The following CACNA2D3 variants were observed in gnomAD, a reference collection of about 807,000 sequenced individuals.
The protein encoded by CACNA2D3 is calcium voltage-gated channel auxiliary subunit alpha2delta 3.
A neutral mutation model predicts 160.6 loss-of-function variants in CACNA2D3; 60 were observed. That is an observed-to-expected ratio of 0.37 (90% CI 0.30 to 0.46). The LOEUF (loss-of-function observed/expected upper bound fraction) is 0.46, where lower values mean the gene tolerates loss of function less well. Ranked by LOEUF, CACNA2D3 falls within the 20% of genes least tolerant of loss-of-function variation. The probability of loss-of-function intolerance (pLI) is 1.00; values close to 1 mark genes in which losing one functional copy is unlikely to be tolerated. For missense variants in CACNA2D3, 1,205 were observed against 1,365.0 expected (o/e 0.88, Z 1.85); for synonymous variants, 558 against 492.9 (o/e 1.13, Z -1.75).
At chr3:54,748,741 C>T (rs760565455) in intron 11 of CACNA2D3, among the ~76,000 whole-genome samples, 67 of 152,120 alleles carry the variant, frequency 4.4e-4, no homozygotes, top group Admixed American at 9.2e-4. Context: ...CCTTCAGGAC[C>T]ACCCCAGATT....
In CACNA2D3 at chr3:54,977,308, T is replaced by C. The variant is rs565091280; in HGVS notation, c.2557-7300T>C. Among the ~76,000 whole-genome samples, 92 of 152,346 alleles carry C rather than the reference T, an allele frequency of 6.0e-4. 2 individuals are homozygous for C. In the South Asian group the frequency reaches 0.017, roughly 28 times the overall value. ...TTTGTAGCAGGTATTTTTTCATCTT[T>C]CTGCCTCTGACAGATTCTAATGTGC... On this transcript the variant is annotated intron_variant, in intron 29 of 37. Transcript: ENST00000474759.
At chr3:54,385,348 A>T (rs1699170155) in intron 3 of CACNA2D3, among the ~76,000 whole-genome samples, 1 of 152,150 alleles carries the variant, frequency 6.6e-6, no homozygotes, top group South Asian at 2.1e-4. Context: ...AGGCTCAGAC[A>T]GGGGAAGGGT....
chr3:54,499,557 T>G (rs1701254963), intron 4 of CACNA2D3, among the ~76,000 whole-genome samples: 1 of 152,166 alleles, frequency 6.6e-6, no homozygotes, highest in South Asian at 2.1e-4. Flanking sequence ...GCTATAAATT[T>G]CCTTGTAAGC....
chr3:54,178,232 G>A (rs1358314464), intron 2 of CACNA2D3, among the ~76,000 whole-genome samples: 2 of 152,186 alleles, frequency 1.3e-5, no homozygotes, highest in African/African-American at 2.4e-5. Flanking sequence ...AATAGCCTTT[G>A]CCCTAAGATG....
At chr3:54,814,807 G>C (rs1703411483) in intron 13 of CACNA2D3, among the ~76,000 whole-genome samples, 1 of 152,056 alleles carries the variant, frequency 6.6e-6, no homozygotes, top group Admixed American at 6.6e-5. Flanking sequence ...GCTCAACAAA[G>C]ATAAAATAGA....
intron 4 of CACNA2D3, among the ~76,000 whole-genome samples, chr3:54,461,208 G>T (rs554597997): frequency 1.3e-5 from 2 of 152,060 alleles, no homozygotes; most frequent in African/African-American, 4.8e-5. Flanking sequence ...TTGCATCAAT[G>T]TTCATCAAGG....
chr3:54,816,479 C>T (rs900100416), intron 13 of CACNA2D3, among the ~76,000 whole-genome samples: 2 of 152,084 alleles, frequency 1.3e-5, no homozygotes, highest in Non-Finnish European at 2.9e-5. Flanking sequence ...TCCAGATGGC[C>T]CTCATCCAGT....
intron 11 of CACNA2D3, among the ~76,000 whole-genome samples, chr3:54,736,654 C>CTT (rs1272879527): frequency 6.6e-6 from 1 of 152,146 alleles, no homozygotes; most frequent in East Asian, 1.9e-4. Flanking sequence ...TAAAAGTGAG[C>CTT]TTGAACATCT....
At chr3:54,612,001 A>G (rs1283048077) in intron 9 of CACNA2D3, among the ~76,000 whole-genome samples, 1 of 152,212 alleles carries the variant, frequency 6.6e-6, no homozygotes, top group African/African-American at 2.4e-5. Flanking sequence ...TTAAAGAAAG[A>G]ATGCCAATGC....
chr3:54,409,075 A>T (rs1267475048), intron 4 of CACNA2D3, among the ~76,000 whole-genome samples: 1 of 152,154 alleles, frequency 6.6e-6, no homozygotes, highest in Non-Finnish European at 1.5e-5. Flanking sequence ...GCTTCATTTT[A>T]TTGTGCTTTG....
intron 2 of CACNA2D3, among the ~76,000 whole-genome samples, chr3:54,317,537 CT>C (rs146924643): frequency 1.6e-4 from 24 of 150,134 alleles, no homozygotes; most frequent in Admixed American, 6.0e-4. Context: ...GCCAAACTCA[CT>C]TTTTTTTTTC....
chr3:54,763,775 A>ATG (rs150526026), intron 12 of CACNA2D3, among the ~76,000 whole-genome samples: 1 of 59,704 alleles, frequency 1.7e-5, no homozygotes, highest in Non-Finnish European at 3.8e-5. Flanking sequence ...ATATGTATAT[A>ATG]TGTACATATA....
intron 3 of CACNA2D3, among the ~76,000 whole-genome samples, chr3:54,364,746 C>T (rs972253980): frequency 6.6e-6 from 1 of 152,200 alleles, no homozygotes; most frequent in Non-Finnish European, 1.5e-5. Context: ...AACTCACAGA[C>T]TGTACTTGTT....
chr3:54,399,717 T>G (rs1171219878), intron 4 of CACNA2D3, among the ~76,000 whole-genome samples: 3 of 30,508 alleles, frequency 9.8e-5, no homozygotes, highest in African/African-American at 1.5e-4. Flanking sequence ...ACTGCTCTCT[T>G]CAAAGCTGTC....
chr3:54,222,475 G>A (rs960684676), intron 2 of CACNA2D3, among the ~76,000 whole-genome samples: 1 of 152,194 alleles, frequency 6.6e-6, no homozygotes, highest in African/African-American at 2.4e-5. Context: ...TCAACTGATT[G>A]GATGAGGCCT....
intron 27 of CACNA2D3, among the ~76,000 whole-genome samples, chr3:54,926,414 G>C (rs2106944422): frequency 6.6e-6 from 1 of 151,834 alleles, no homozygotes; most frequent in East Asian, 1.9e-4. Flanking sequence ...TCCCTCCAGA[G>C]TCTGTCAGAG....
In CACNA2D3 at chr3:55,074,287, G is replaced by A. The variant is rs1456532382; in HGVS notation, c.*81G>A. On this transcript the variant is annotated 3_prime_UTR_variant, in exon 38 of 38. Coordinates refer to ENST00000474759, the MANE Select transcript of CACNA2D3 (RefSeq NM_018398.3). Reference sequence around the variant, plus strand: ...TGGATAAACTGTGAACCAAAATATGGTGCAACATACGAGACATGAATATAG... The same window carrying A: ...TGGATAAACTGTGAACCAAAATATGATGCAACATACGAGACATGAATATAG... 2 of 1,111,404 alleles carry A rather than the reference G, an allele frequency of 1.8e-6. No individual in the cohort carries two copies. The highest frequency in any genetic ancestry group is 2.8e-6 in the Non-Finnish European group (2 of 723,504). The allele number at this position is 1,111,404 out of a possible 1,614,324, so 68.8% of individuals were successfully genotyped here. A position where few individuals can be genotyped will look rare whatever the true frequency, so the allele number is the denominator to read the frequency against.
chr3:54,215,236 T>G (rs1000205117), intron 2 of CACNA2D3, among the ~76,000 whole-genome samples: 1 of 152,238 alleles, frequency 6.6e-6, no homozygotes, highest in Non-Finnish European at 1.5e-5. Flanking sequence ...ATATTTATGG[T>G]ACACAATGTG....
At chr3:54,460,911 T>A (rs1190311703) in intron 4 of CACNA2D3, among the ~76,000 whole-genome samples, 4 of 152,130 alleles carry the variant, frequency 2.6e-5, no homozygotes, top group African/African-American at 9.7e-5. Context: ...CGGCTGTGGG[T>A]TTGTCATAGA....
Sources: gnomAD v4.1 joint callset for allele counts (sites outside exome capture counted in the v4.1 genomes callset) on GRCh38, gnomAD v4.1.1 for gene constraint, MANE v1.5 for transcripts, NCBI Gene and HGNC (gene_info 2026-07-23, HGNC 2026-07-21) for gene names.